C1orf21: variants seen among roughly 807,000 people sequenced by gnomAD.
C1orf21 encodes chromosome 1 open reading frame 21, also known as uncharacterized protein C1orf21.
A neutral mutation model predicts 18.7 loss-of-function variants in C1orf21; 3 were observed. That is an observed-to-expected ratio of 0.16 (90% CI 0.07 to 0.42). The LOEUF (loss-of-function observed/expected upper bound fraction) is 0.42. C1orf21 is among the 10% of genes least tolerant of loss of function. The pLI is 0.99. For synonymous variants in C1orf21, 41 were observed against 46.4 expected (o/e 0.88, Z 0.47); for missense variants, 104 against 143.6 (o/e 0.72, Z 1.41).
chr1:184,603,410 T>C (rs1659610551), intron 5 of C1orf21, among the ~76,000 whole-genome samples: 1 of 152,246 alleles, frequency 6.6e-6, no homozygotes, highest in Non-Finnish European at 1.5e-5. Context: ...ATCTTGAGAT[T>C]CTGGCTCTGT....
In C1orf21 at chr1:184,560,388, A is replaced by G. The variant is rs1658946959; in HGVS notation, c.190-30351A>G. On this transcript the variant is annotated intron_variant, in intron 3 of 5. Transcript: ENST00000235307. The stretch of plus-strand genomic sequence containing the variant: ...ACCTAGAGATTGAAAACCTTTTACA[A>G]TAAACCACTAGAATGAATAAGATGA... Among the ~76,000 whole-genome samples, 3 of 152,348 alleles carry G rather than the reference A, an allele frequency of 2.0e-5. No individual in the cohort carries two copies. In the South Asian group the frequency reaches 6.2e-4, roughly 32 times the overall value.
At chr1:184,555,913 C>T (rs1384589598) in intron 3 of C1orf21, among the ~76,000 whole-genome samples, 4 of 152,176 alleles carry the variant, frequency 2.6e-5, no homozygotes, top group Non-Finnish European at 5.9e-5. Flanking sequence ...CAAAAGGGAT[C>T]CCTGAGGAGA....
intron 1 of C1orf21, among the ~76,000 whole-genome samples, chr1:184,452,134 AG>A (rs1657132847): frequency 6.6e-6 from 1 of 152,184 alleles, no homozygotes; most frequent in Non-Finnish European, 1.5e-5. Flanking sequence ...TGTGCAATGT[AG>A]AAGTATTCCT....
intron 1 of C1orf21, among the ~76,000 whole-genome samples, chr1:184,422,942 G>A (rs1222280167): frequency 6.6e-6 from 1 of 152,216 alleles, no homozygotes; most frequent in Non-Finnish European, 1.5e-5. Context: ...GTCCTGTGGA[G>A]TGGTTCATAC....
chr1:184,596,954 T>C (rs1377590790), intron 4 of C1orf21, among the ~76,000 whole-genome samples: 1 of 151,680 alleles, frequency 6.6e-6, no homozygotes, highest in Non-Finnish European at 1.5e-5. Flanking sequence ...AATATGAAAT[T>C]TAGAAAGATT....
In C1orf21 at chr1:184,621,549, C is replaced by G. The variant is rs1392020050; in HGVS notation, c.*1993C>G. ...CTTTGCTTACCGTTCTGTGGGTGACCTTTTCCGGGATTTCTTGTTCTTATC... is the reference window on the plus strand; with the variant it reads ...CTTTGCTTACCGTTCTGTGGGTGACGTTTTCCGGGATTTCTTGTTCTTATC... On this transcript the variant is annotated 3_prime_UTR_variant, in exon 6 of 6. Coordinates refer to ENST00000235307, the MANE Select transcript of C1orf21 (RefSeq NM_030806.4). 1 of 152,574 alleles carries G rather than the reference C, an allele frequency of 6.6e-6. No individual in the cohort carries two copies. The highest frequency in any genetic ancestry group is 1.5e-5 in the Non-Finnish European group (1 of 68,042). 9.5% of individuals were successfully genotyped at this position (152,574 alleles called of 1,614,324 possible).
intron 3 of C1orf21, among the ~76,000 whole-genome samples, chr1:184,527,605 A>G (rs1189767201): frequency 2.0e-5 from 3 of 152,146 alleles, no homozygotes; most frequent in African/African-American, 4.8e-5. Context: ...GACCGGGAGT[A>G]AGGTTCGGGT....
intron 2 of C1orf21, among the ~76,000 whole-genome samples, chr1:184,482,290 C>T (rs934332097): frequency 2.6e-5 from 4 of 152,126 alleles, no homozygotes; most frequent in African/African-American, 9.7e-5. Context: ...CTTTTCAGCC[C>T]GGCTTCCAAG....
At chr1:184,537,725 A>G (rs1571404181) in intron 3 of C1orf21, among the ~76,000 whole-genome samples, 1 of 152,270 alleles carries the variant, frequency 6.6e-6, no homozygotes, top group Middle Eastern at 3.4e-3. Flanking sequence ...ATCTTGGCTC[A>G]CCGCAACCTC....
At chr1:184,487,752 G>A (rs979330719) in intron 2 of C1orf21, among the ~76,000 whole-genome samples, 2 of 152,132 alleles carry the variant, frequency 1.3e-5, no homozygotes, top group African/African-American at 2.4e-5. Flanking sequence ...ATCCTGGCTC[G>A]GCTACTCACT....
At position 184,622,977 on chromosome 1, in the gene C1orf21, TTATAACTTTATCCTGC is replaced by T. The variant is rs1184702245; in HGVS notation, c.*3436_*3451del. 2 of 152,284 alleles carry T rather than the reference TTATAACTTTATCCTGC, an allele frequency of 1.3e-5. No individual in the cohort carries two copies. Among genetic ancestry groups the T allele is most frequent in the Non-Finnish European group, 1.5e-5 (1 of 68,076 alleles). The allele number at this position is 152,284 out of a possible 1,614,324, so 9.4% of individuals were successfully genotyped here. ...GATGTCATCCTGCTTTGTTATCTTCTTATAACTTTATCCTGCTATAACTTTATCCTCTTCCCAGCCT... is the reference window on the plus strand; with the variant it reads ...GATGTCATCCTGCTTTGTTATCTTCTTATAACTTTATCCTCTTCCCAGCCT... On this transcript the variant is annotated 3_prime_UTR_variant, in exon 6 of 6. Coordinates refer to ENST00000235307, the MANE Select transcript of C1orf21 (RefSeq NM_030806.4).
At chr1:184,455,864 G>A (rs1458471993) in intron 1 of C1orf21, among the ~76,000 whole-genome samples, 1 of 152,168 alleles carries the variant, frequency 6.6e-6, no homozygotes, top group Non-Finnish European at 1.5e-5. Context: ...AACACATCAA[G>A]AAACTGTATA....
rs1656329646 is a variant in C1orf21, at chr1:184,410,648, TATATATATATA to T, written c.-125+23281_-125+23291del. On this transcript the variant is annotated intron_variant, in intron 1 of 5. Coordinates refer to ENST00000235307, the MANE Select transcript of C1orf21 (RefSeq NM_030806.4). ...ATATATATATATATATATATATATA[TATATATATATA>T]TATATTTTTTTTTTTTTTTTTTGAG... 2.0e-3 allele frequency among the ~76,000 whole-genome samples: 14 copies of T among 6,998 alleles called. 2 individuals are homozygous for T. Among genetic ancestry groups the T allele is most frequent in the East Asian group, 0.012 (2 of 172 alleles). 4.6% of individuals were successfully genotyped at this position (6,998 alleles called of 152,430 possible). A position where few individuals can be genotyped will look rare whatever the true frequency, so the allele number is the denominator to read the frequency against.
intron 4 of C1orf21, among the ~76,000 whole-genome samples, chr1:184,597,149 G>A (rs1659526537): frequency 6.6e-6 from 1 of 152,154 alleles, no homozygotes; most frequent in Admixed American, 6.5e-5. Context: ...ATAAGAGAGG[G>A]CGTGTTTCCC....
intron 1 of C1orf21, among the ~76,000 whole-genome samples, chr1:184,423,936 A>T (rs1326274106): frequency 6.6e-6 from 1 of 151,986 alleles, no homozygotes; most frequent in Admixed American, 6.6e-5. Context: ...AATGCCTGTT[A>T]CTGGGGTAGG....
In C1orf21 at chr1:184,410,633, A is replaced by AATATATATAT. The variant is rs1557964961; in HGVS notation, c.-125+23265_-125+23266insATATATATAT. On this transcript the variant is annotated intron_variant, in intron 1 of 5. Transcript: ENST00000235307. The stretch of plus-strand genomic sequence containing the variant: ...CCATATATATTATATATATATATAT[A>AATATATATAT]TATATATATATATATATATATATAT... Among the ~76,000 whole-genome samples, 2 of 3,212 alleles carry AATATATATAT rather than the reference A, an allele frequency of 6.2e-4. 1 individual carries two copies. Among genetic ancestry groups the AATATATATAT allele is most frequent in the African/African-American group, 0.013 (2 of 152 alleles). The allele number at this position is 3,212 out of a possible 152,430, so 2.1% of individuals were successfully genotyped here. A position where few individuals can be genotyped will look rare whatever the true frequency, so the allele number is the denominator to read the frequency against.
chr1:184,529,033 A>G (rs1658418747), intron 3 of C1orf21, among the ~76,000 whole-genome samples: 1 of 152,198 alleles, frequency 6.6e-6, no homozygotes, highest in Non-Finnish European at 1.5e-5. Flanking sequence ...CAATTTCAAC[A>G]CTGAGATAAG....
chr1:184,591,486 G>T (rs548190964), intron 4 of C1orf21, among the ~76,000 whole-genome samples: 7 of 152,256 alleles, frequency 4.6e-5, no homozygotes, highest in Non-Finnish European at 1.0e-4. Context: ...AGCTCTTAAA[G>T]CTCTTAAAGG....
intron 5 of C1orf21, 81 bp downstream of exon 5, chr1:184,598,542 T>C: frequency 7.7e-7 from 1 of 1,299,920 alleles, no homozygotes. Flanking sequence ...AACATTCTTG[T>C]TTCTATGTCA....
Sources: gnomAD v4.1 joint callset for allele counts (sites outside exome capture counted in the v4.1 genomes callset) on GRCh38, gnomAD v4.1.1 for gene constraint, MANE v1.5 for transcripts, NCBI Gene and HGNC (gene_info 2026-07-23, HGNC 2026-07-21) for gene names.